The following STXBP5L variants were observed in gnomAD, a reference collection of about 807,000 sequenced individuals.
STXBP5L encodes the protein syntaxin binding protein 5L.
Under a neutral mutation model 144.5 loss-of-function variants are expected in STXBP5L, and 65 were observed. The observed-to-expected ratio is 0.45, with a 90% CI of 0.37 to 0.55. The LOEUF is 0.55. Among genes scored for constraint, STXBP5L ranks in the 20% least tolerant of loss-of-function variants. The probability of loss-of-function intolerance (pLI) is 0.00; values close to 1 mark genes in which losing one functional copy is unlikely to be tolerated. For synonymous variants in STXBP5L, 505 were observed against 469.6 expected (o/e 1.08, Z -0.97); for missense variants, 1,298 against 1,405.5 (o/e 0.92, Z 1.22).
chr3:121,319,047 G>C (rs1204734141), intron 20 of STXBP5L, among the ~76,000 whole-genome samples: 1 of 152,092 alleles, frequency 6.6e-6, no homozygotes, highest in Non-Finnish European at 1.5e-5. Flanking sequence ...TATTTAAAAT[G>C]TGAGAATAAA....
intron 3 of STXBP5L, among the ~76,000 whole-genome samples, chr3:121,021,515 G>C (rs927390511): frequency 6.6e-6 from 1 of 152,058 alleles, no homozygotes; most frequent in African/African-American, 2.4e-5. Context: ...CATATCATAG[G>C]CCACAAAACA....
chr3:121,339,497 T>G (rs774608854), intron 20 of STXBP5L, among the ~76,000 whole-genome samples: 12 of 152,044 alleles, frequency 7.9e-5, no homozygotes, highest in Non-Finnish European at 1.6e-4. Flanking sequence ...CCCTAAGAAC[T>G]GGAATAAGAC....
intron 9 of STXBP5L, among the ~76,000 whole-genome samples, chr3:121,160,751 C>T (rs961243943): frequency 4.0e-5 from 6 of 151,870 alleles, no homozygotes; most frequent in South Asian, 4.2e-4. Context: ...TTGTGGGTCC[C>T]GTCATATTTT....
intron 22 of STXBP5L, among the ~76,000 whole-genome samples, chr3:121,389,269 T>C (rs917068439): frequency 1.3e-5 from 2 of 152,168 alleles, no homozygotes; most frequent in Middle Eastern, 3.2e-3. Flanking sequence ...GTCTACTTGA[T>C]TCTTCTCTCT....
At chr3:120,947,612 C>T (rs1473953614) in intron 2 of STXBP5L, among the ~76,000 whole-genome samples, 1 of 151,742 alleles carries the variant, frequency 6.6e-6, no homozygotes, top group African/African-American at 2.4e-5. Context: ...CATTAACAGT[C>T]AATTCCTATT....
Position 121,257,280 on chromosome 3 carries a change from C to T in STXBP5L, c.1779C>T (p.Ser593=). 5 of 1,613,574 alleles carry T rather than the reference C, an allele frequency of 3.1e-6. No individual in the cohort carries two copies. Among genetic ancestry groups the T allele is most frequent in the Non-Finnish European group, 4.2e-6 (5 of 1,179,662 alleles). Residue 593 remains serine, a synonymous_variant, in exon 17 of 27, where the codon AGC becomes AGT. Transcript: ENST00000471454. ...CTTCTTCAAGGAGTCTTTCTGGGAG[C>T]ACTAACACTGTTGCTAGTGAAGGAG... is the stretch of plus-strand genomic sequence containing the variant. ...QLPSSRSLSG[S]TNTVASEGVT...
At chr3:121,170,819 G>C (rs2046684031) in intron 9 of STXBP5L, among the ~76,000 whole-genome samples, 1 of 152,118 alleles carries the variant, frequency 6.6e-6, no homozygotes, top group African/African-American at 2.4e-5. Flanking sequence ...GAAAAAGAGG[G>C]AATCCTCCCT....
intron 5 of STXBP5L, among the ~76,000 whole-genome samples, chr3:121,083,080 T>A (rs2042325390): frequency 6.6e-6 from 1 of 151,900 alleles, no homozygotes; most frequent in Non-Finnish European, 1.5e-5. Flanking sequence ...TGCTCTGTAG[T>A]CCCAGCTACT....
At chr3:121,217,236 A>G (rs1464335112) in intron 10 of STXBP5L, among the ~76,000 whole-genome samples, 1 of 152,114 alleles carries the variant, frequency 6.6e-6, no homozygotes, top group East Asian at 1.9e-4. Context: ...GTATGAAAAG[A>G]AACTCCTTCA....
intron 20 of STXBP5L, among the ~76,000 whole-genome samples, chr3:121,339,485 C>G (rs1200308935): frequency 6.6e-6 from 1 of 152,046 alleles, no homozygotes; most frequent in East Asian, 1.9e-4. Context: ...CAAAAGCATT[C>G]CCCCTAAGAA....
At chr3:121,052,536 A>C (rs1294812750) in intron 5 of STXBP5L, among the ~76,000 whole-genome samples, 1 of 152,188 alleles carries the variant, frequency 6.6e-6, no homozygotes, top group Non-Finnish European at 1.5e-5. Flanking sequence ...CCTTTGACAA[A>C]ATTCAACAAC....
chr3:121,085,068 T>C (rs769721938), intron 5 of STXBP5L, among the ~76,000 whole-genome samples: 32 of 152,152 alleles, frequency 2.1e-4, no homozygotes, highest in Non-Finnish European at 4.3e-4. Context: ...GGGTTGATGG[T>C]TTTTTTCTTG....
At chr3:120,962,453 G>A (rs9882540) in intron 3 of STXBP5L, among the ~76,000 whole-genome samples, 80,337 of 151,930 alleles carry the variant, frequency 0.53, 21,782 homozygotes, top group African/African-American at 0.62. Context: ...TAATTTTTGT[G>A]TAAGGTGTAA....
intron 22 of STXBP5L, among the ~76,000 whole-genome samples, chr3:121,389,995 C>A (rs1035175337): frequency 6.6e-6 from 1 of 152,182 alleles, no homozygotes; most frequent in Non-Finnish European, 1.5e-5. Context: ...GTGTTAAAGT[C>A]TCCCATTATT....
At chr3:120,961,485 C>T (rs902000802) in intron 3 of STXBP5L, among the ~76,000 whole-genome samples, 2 of 152,112 alleles carry the variant, frequency 1.3e-5, no homozygotes, top group African/African-American at 2.4e-5. Context: ...TGAGTGATCT[C>T]ATTGTTCAAT....
chr3:120,956,507 T>G (rs1271039113), intron 3 of STXBP5L, among the ~76,000 whole-genome samples: 1 of 151,980 alleles, frequency 6.6e-6, no homozygotes, highest in Non-Finnish European at 1.5e-5. Context: ...ATGTGAGAAC[T>G]TCCTTCCTTT....
intron 5 of STXBP5L, among the ~76,000 whole-genome samples, chr3:121,106,613 T>A (rs1176400312): frequency 1.3e-5 from 2 of 152,210 alleles, no homozygotes; most frequent in East Asian, 1.9e-4. Context: ...ATGGTGTATA[T>A]GTATCATATT....
At chr3:121,362,824 C>G (rs1174351653) in intron 20 of STXBP5L, among the ~76,000 whole-genome samples, 1 of 152,128 alleles carries the variant, frequency 6.6e-6, no homozygotes, top group Non-Finnish European at 1.5e-5. Context: ...ATAGCCACCA[C>G]AGCTGATAAT....
intron 9 of STXBP5L, among the ~76,000 whole-genome samples, chr3:121,204,854 A>G (rs2048276974): frequency 6.6e-6 from 1 of 152,154 alleles, no homozygotes; most frequent in Non-Finnish European, 1.5e-5. Flanking sequence ...CTTCATTTCT[A>G]TTTCCTTCTC....
Sources: allele counts gnomAD v4.1 joint callset (sites outside exome capture counted in the v4.1 genomes callset), GRCh38; gene constraint gnomAD v4.1.1; transcripts MANE v1.5; gene names NCBI Gene and HGNC (gene_info 2026-07-23, HGNC 2026-07-21).